Variants in LRP5 observed in about 807,000 individuals in gnomAD.
LRP5 encodes the protein low-density lipoprotein receptor-related protein 5.
LRP5 carries 62 observed loss-of-function variants against 154.1 expected under a neutral mutation model. The ratio of observed to expected loss-of-function variants is 0.40; its 90% CI spans 0.33 to 0.50. The LOEUF is 0.50. Among genes scored for constraint, LRP5 ranks in the 20% least tolerant of loss-of-function variants. The pLI, the probability that LRP5 is intolerant of heterozygous loss-of-function variation, is 0.55. For synonymous variants in LRP5, 966 were observed against 1,011.5 expected (o/e 0.96, Z 0.85); for missense variants, 1,915 against 2,336.7 (o/e 0.82, Z 3.72).
rs2098606800 is a variant in LRP5, at chr11:68,338,212, T to A, written c.92-9635T>A. On this transcript the variant is annotated intron_variant, in intron 1 of 22. Coordinates refer to ENST00000294304, the MANE Select transcript of LRP5 (RefSeq NM_002335.4). ...CTCCGATGAGCAGTTGGAGGCCTAG[T>A]GTAATGCTTGGTGAATATATATAAG... 3.3e-5 allele frequency among the ~76,000 whole-genome samples: 5 copies of A among 152,320 alleles called. 1 individual carries two copies. The South Asian group carries it at 1.0e-3, about 32-fold the overall frequency.
At chr11:68,371,395 GGGGCCAGAAT>G (rs2098633932) in intron 5 of LRP5, among the ~76,000 whole-genome samples, 1 of 152,220 alleles carries the variant, frequency 6.6e-6, no homozygotes, top group Non-Finnish European at 1.5e-5. Flanking sequence ...ACCTGTGAGC[GGGGCCAGAAT>G]GGGGCGCGGG....
chr11:68,427,152 G>A (rs973641821), intron 16 of LRP5, among the ~76,000 whole-genome samples: 6 of 152,148 alleles, frequency 3.9e-5, no homozygotes, highest in African/African-American at 7.2e-5. Context: ...AATCACATCT[G>A]CAGAATCCCT....
the LRP5 span, among the ~76,000 whole-genome samples, chr11:68,303,931 T>C: frequency 1.4e-4 from 22 of 152,204 alleles, no homozygotes; most frequent in South Asian, 3.9e-3. Context: ...GTTTGGAAAA[T>C]TTGCAGCCTG....
At chr11:68,305,504 A>C in the LRP5 span, among the ~76,000 whole-genome samples, 14 of 152,128 alleles carry the variant, frequency 9.2e-5, no homozygotes, top group Non-Finnish European at 1.6e-4. Flanking sequence ...GTGCAGTGGC[A>C]CAATCTTGGC....
intron 1 of LRP5, among the ~76,000 whole-genome samples, chr11:68,313,814 C>G (rs530378383): frequency 6.6e-6 from 1 of 152,224 alleles, no homozygotes; most frequent in African/African-American, 2.4e-5. Flanking sequence ...GCCCCTTTGT[C>G]TGGGCCTCCT....
chr11:68,432,866 G>A (rs3781585), intron 17 of LRP5, among the ~76,000 whole-genome samples: 9,504 of 152,274 alleles, frequency 0.062, 365 homozygotes, highest in Middle Eastern at 0.15. Context: ...TGCCCAGCCC[G>A]CACTGAGGAC....
At chr11:68,446,319 C>T in intron 21 of LRP5, 117 bp from the exon 22 acceptor site, 2 of 784,566 alleles carry the variant, frequency 2.5e-6, no homozygotes, top group South Asian at 1.4e-5. Context: ...GGAAGGGGTC[C>T]TGGGAAGCAG....
At chr11:68,359,559 G>A (rs1470375500) in intron 3 of LRP5, among the ~76,000 whole-genome samples, 6 of 152,200 alleles carry the variant, frequency 3.9e-5, no homozygotes, top group Non-Finnish European at 5.9e-5. Context: ...CATGCTAATG[G>A]TGGTGGCGGT....
At chr11:68,327,024 C>T (rs2098600091) in intron 1 of LRP5, among the ~76,000 whole-genome samples, 1 of 152,228 alleles carries the variant, frequency 6.6e-6, no homozygotes, top group Admixed American at 6.5e-5. Flanking sequence ...CCCACGTGTC[C>T]TGCCTTCGCC....
rs1314563231 is a variant in LRP5, at chr11:68,426,207, G to C, written c.3637+20G>C. Reference sequence around the variant, plus strand: ...AGTTCTGTACGTGGGGGCTGGCAGTGGGGTGGGCAGGGTGGCCTCTAAACC... The same window carrying C: ...AGTTCTGTACGTGGGGGCTGGCAGTCGGGTGGGCAGGGTGGCCTCTAAACC... On this transcript the variant is annotated intron_variant, in intron 16 of 22. Coordinates refer to ENST00000294304, the MANE Select transcript of LRP5 (RefSeq NM_002335.4). 1.2e-6 allele frequency: 2 copies of C among 1,603,126 alleles called. No homozygotes were observed. Among genetic ancestry groups the C allele is most frequent in the African/African-American group, 2.7e-5 (2 of 74,946 alleles).
At chr11:68,392,002 C>T (rs1349929844) in intron 7 of LRP5, among the ~76,000 whole-genome samples, 2 of 152,142 alleles carry the variant, frequency 1.3e-5, no homozygotes, top group Non-Finnish European at 2.9e-5. Context: ...CCACCACACC[C>T]AGCTAGTTTT....
At chr11:68,349,027 C>CTTT (rs368502197) in intron 2 of LRP5, among the ~76,000 whole-genome samples, 68 of 123,576 alleles carry the variant, frequency 5.5e-4, no homozygotes, top group Non-Finnish European at 5.9e-4. Context: ...AGTTATGTTC[C>CTTT]TTTTTTTTTT....
chr11:68,355,926 G>A (rs1299299738), intron 2 of LRP5, among the ~76,000 whole-genome samples: 1 of 151,658 alleles, frequency 6.6e-6, no homozygotes, highest in Non-Finnish European at 1.5e-5. Flanking sequence ...TGCAAGCTCC[G>A]CCTCCCGGGT....
chr11:68,409,389 T>C (rs977655548), intron 9 of LRP5, among the ~76,000 whole-genome samples: 43 of 147,902 alleles, frequency 2.9e-4, no homozygotes, highest in South Asian at 1.7e-3. Flanking sequence ...ACATTTATAT[T>C]ATTTTATATA....
chr11:68,392,743 G>A (rs2098647052), intron 7 of LRP5, among the ~76,000 whole-genome samples: 1 of 152,070 alleles, frequency 6.6e-6, no homozygotes, highest in South Asian at 2.1e-4. Context: ...TTGTGTGACT[G>A]GAATCCTGCA....
At chr11:68,325,024 A>G (rs1444026866) in intron 1 of LRP5, among the ~76,000 whole-genome samples, 2 of 152,158 alleles carry the variant, frequency 1.3e-5, no homozygotes, top group African/African-American at 4.8e-5. Context: ...TGTGCCCTGC[A>G]CAGCCCGGTT....
chr11:68,426,175 C>T lies in LRP5; in HGVS notation c.3625C>T (p.Leu1209=). ...CATCCATGCAGTGGAGGAAGTCAGC[C>T]TGGAGGAGTTCTGTACGTGGGGGCT... The part of the protein sequence containing the change: ...TGIHAVEEVS[L]EEFSAHPCAR... Residue 1209 remains leucine, a synonymous_variant, in exon 16 of 23, where the codon CTG becomes TTG. Transcript: ENST00000294304. 6.2e-7 allele frequency: 1 copy of T among 1,611,696 alleles called. No individual in the cohort carries two copies.
chr11:68,422,955 A>AG (rs1340844681), intron 13 of LRP5, among the ~76,000 whole-genome samples: 1 of 151,980 alleles, frequency 6.6e-6, no homozygotes, highest in Non-Finnish European at 1.5e-5. Flanking sequence ...AGGGGTTGTA[A>AG]GGGGCGGCCC....
chr11:68,432,000 A>G (rs2098672201), intron 17 of LRP5, among the ~76,000 whole-genome samples: 1 of 152,208 alleles, frequency 6.6e-6, no homozygotes, highest in African/African-American at 2.4e-5. Flanking sequence ...TCACAGAAGG[A>G]CAGGGCCTCA....
Sources: allele counts gnomAD v4.1 joint callset (sites outside exome capture counted in the v4.1 genomes callset), GRCh38; gene constraint gnomAD v4.1.1; transcripts MANE v1.5; gene names NCBI Gene and HGNC (gene_info 2026-07-23, HGNC 2026-07-21).